The following CCSER1 variants were observed in gnomAD, a reference collection of about 807,000 sequenced individuals.
The protein encoded by CCSER1 is serine-rich coiled-coil domain-containing protein 1.
In CCSER1, 41 loss-of-function variants were observed where a neutral mutation model predicts 82.0. The ratio of observed to expected loss-of-function variants is 0.50; its 90% CI spans 0.39 to 0.65. CCSER1 has a LOEUF of 0.65. CCSER1 is among the 30% of genes least tolerant of loss of function. The pLI, the probability that CCSER1 is intolerant of heterozygous loss-of-function variation, is 0.00. For synonymous variants in CCSER1, 414 were observed against 383.9 expected (o/e 1.08, Z -0.92); for missense variants, 1,119 against 1,064.2 (o/e 1.05, Z -0.72).
At chr4:90,270,376 A>G (rs1226793048) in intron 1 of CCSER1, among the ~76,000 whole-genome samples, 2 of 152,160 alleles carry the variant, frequency 1.3e-5, no homozygotes, top group Admixed American at 1.3e-4. Flanking sequence ...AAATTAGTCA[A>G]TGTAATAAAT....
At chr4:91,312,734 G>A (rs757703416) in intron 10 of CCSER1, among the ~76,000 whole-genome samples, 1 of 151,662 alleles carries the variant, frequency 6.6e-6, no homozygotes, top group Non-Finnish European at 1.5e-5. Flanking sequence ...TTCTTAATGG[G>A]TCCAATGTAC....
Position 90,696,392 on chromosome 4 carries a change from C to A in CCSER1, c.1933-27522C>A, listed in dbSNP as rs541273154. ...TTACTATAGTTAAAATAATGAGAAA[C>A]TGGTAATTTTTTTTTAATGCCATGA... On this transcript the variant is annotated intron_variant, in intron 6 of 10. Coordinates refer to ENST00000509176, the MANE Select transcript of CCSER1 (RefSeq NM_001145065.2). Among the ~76,000 whole-genome samples, 197 of 129,102 alleles carry A rather than the reference C, an allele frequency of 1.5e-3. 4 individuals carry two copies. The South Asian group carries it at 0.047, about 31-fold the overall frequency. The allele number at this position is 129,102 out of a possible 152,430, so 84.7% of individuals were successfully genotyped here.
chr4:90,595,822 A>G (rs1216648383), intron 5 of CCSER1, among the ~76,000 whole-genome samples: 1 of 152,038 alleles, frequency 6.6e-6, no homozygotes, highest in Non-Finnish European at 1.5e-5. Context: ...AGAATAGTCA[A>G]GAACTTGACA....
intron 9 of CCSER1, among the ~76,000 whole-genome samples, chr4:91,012,447 A>T (rs2150504862): frequency 7.2e-6 from 1 of 137,936 alleles, no homozygotes; most frequent in East Asian, 2.3e-4. Flanking sequence ...CAAAGGAATC[A>T]TTTTTGCAAG....
At chr4:90,385,093 T>C (rs752834401) in intron 3 of CCSER1, among the ~76,000 whole-genome samples, 4 of 152,208 alleles carry the variant, frequency 2.6e-5, no homozygotes, top group Non-Finnish European at 5.9e-5. Context: ...TAGTATTCCA[T>C]GGTGTATATG....
chr4:90,166,080 G>A (rs937167120), intron 1 of CCSER1, among the ~76,000 whole-genome samples: 3 of 151,912 alleles, frequency 2.0e-5, no homozygotes, highest in South Asian at 2.1e-4. Context: ...AAAGTGATAC[G>A]AACTGAGTAG....
chr4:90,594,223 ATG>A (rs2148709778), intron 5 of CCSER1, among the ~76,000 whole-genome samples: 1 of 152,170 alleles, frequency 6.6e-6, no homozygotes, highest in Admixed American at 6.5e-5. Context: ...AAAGGATACT[ATG>A]TGGTTTAAAT....
chr4:91,338,908 G>A (rs1747511916), intron 10 of CCSER1, among the ~76,000 whole-genome samples: 1 of 152,118 alleles, frequency 6.6e-6, no homozygotes. Flanking sequence ...ACACCACGTA[G>A]CAGTCTCTTG....
chr4:90,716,083 A>T (rs190730892), intron 6 of CCSER1, among the ~76,000 whole-genome samples: 8 of 151,294 alleles, frequency 5.3e-5, no homozygotes, highest in African/African-American at 1.9e-4. Context: ...TATATGTATA[A>T]AAATAAATAA....
chr4:90,669,255 A>G (rs562663972), intron 6 of CCSER1, among the ~76,000 whole-genome samples: 1 of 152,210 alleles, frequency 6.6e-6, no homozygotes, highest in African/African-American at 2.4e-5. Context: ...TTTCTACAAT[A>G]ATTGCATTTT....
chr4:90,851,166 C>CAAATA (rs1561247409), intron 8 of CCSER1, among the ~76,000 whole-genome samples: 1 of 152,168 alleles, frequency 6.6e-6, no homozygotes, highest in Admixed American at 6.5e-5. Flanking sequence ...TAAATTAAAT[C>CAAATA]TTTTTTCTTT....
intron 7 of CCSER1, among the ~76,000 whole-genome samples, chr4:90,801,857 T>TA (rs1461182033): frequency 1.7e-4 from 26 of 152,290 alleles, no homozygotes; most frequent in Admixed American, 1.6e-3. Flanking sequence ...TTCAAAACTG[T>TA]AAAAAAGACT....
intron 9 of CCSER1, among the ~76,000 whole-genome samples, chr4:90,957,583 ATAT>A (rs1323095321): frequency 3.2e-4 from 42 of 132,882 alleles, no homozygotes; most frequent in South Asian, 8.6e-4. Context: ...ATTATATAAT[ATAT>A]TATTATTTAT....
chr4:90,551,706 C>CTCTCTCTCTCTCTCTATATA, intron 5 of CCSER1, among the ~76,000 whole-genome samples: 124 of 104,206 alleles, frequency 1.2e-3, no homozygotes, highest in South Asian at 1.6e-3. Flanking sequence ...CTCTCTCTCT[C>CTCTCTCTCTCTCTCTATATA]TATATATATA....
In CCSER1 at chr4:90,644,848, G is replaced by A. The variant is rs527608225; in HGVS notation, c.1932+16616G>A. Among the ~76,000 whole-genome samples the A allele has an allele frequency of 1.4e-4, 21 of 151,922 alleles. No individual in the cohort carries two copies. In the South Asian group the frequency reaches 4.4e-3, roughly 32 times the overall value. On this transcript the variant is annotated intron_variant, in intron 6 of 10. Coordinates refer to ENST00000509176, the MANE Select transcript of CCSER1 (RefSeq NM_001145065.2). ...TATAATCCCAGCACTTTGGGAGGCC[G>A]AGGCAGGCAGATCACCTGTGGTCAG...
chr4:91,152,275 T>A (rs1730295772), intron 10 of CCSER1, among the ~76,000 whole-genome samples: 1 of 152,164 alleles, frequency 6.6e-6, no homozygotes, highest in African/African-American at 2.4e-5. Context: ...AAGTCTGTTT[T>A]ATTAGAGACT....
At chr4:90,438,072 TAAAG>T (rs1404158392) in intron 4 of CCSER1, among the ~76,000 whole-genome samples, 5 of 152,112 alleles carry the variant, frequency 3.3e-5, no homozygotes, top group Non-Finnish European at 7.4e-5. Context: ...ATTGTGAAAT[TAAAG>T]AAATAGCACA....
intron 5 of CCSER1, among the ~76,000 whole-genome samples, chr4:90,494,802 A>T (rs1768717222): frequency 6.6e-6 from 1 of 152,168 alleles, no homozygotes. Context: ...CCTAAGTCCA[A>T]CATATACACT....
intron 1 of CCSER1, among the ~76,000 whole-genome samples, chr4:90,252,849 A>G (rs1285800592): frequency 6.6e-6 from 1 of 151,748 alleles, no homozygotes; most frequent in East Asian, 1.9e-4. Context: ...TTCATAATAT[A>G]TTTTGTCTGA....
Sources: allele counts gnomAD v4.1 joint callset (sites outside exome capture counted in the v4.1 genomes callset), GRCh38; gene constraint gnomAD v4.1.1; transcripts MANE v1.5; gene names NCBI Gene and HGNC (gene_info 2026-07-23, HGNC 2026-07-21).